The following DLG2 variants were observed in gnomAD, a reference collection of about 807,000 sequenced individuals.
The protein encoded by DLG2 is disks large homolog 2.
In DLG2, 45 loss-of-function variants were observed where a neutral mutation model predicts 132.5. That is an observed-to-expected ratio of 0.34 (90% confidence interval 0.27 to 0.44). DLG2 has a LOEUF of 0.44. DLG2 is among the 20% of genes least tolerant of loss of function. The pLI is 1.00. For synonymous variants in DLG2, 424 were observed against 419.6 expected (o/e 1.01, Z -0.13); for missense variants, 1,045 against 1,196.9 (o/e 0.87, Z 1.87).
At chr11:84,746,215 G>A (rs1466197009) in intron 6 of DLG2, among the ~76,000 whole-genome samples, 5 of 149,712 alleles carry the variant, frequency 3.3e-5, no homozygotes, top group Admixed American at 1.3e-4. Flanking sequence ...ATGGAAATCT[G>A]TGAGGAAAGA....
At chr11:83,832,684 T>C (rs1478146409) in intron 17 of DLG2, among the ~76,000 whole-genome samples, 4 of 152,152 alleles carry the variant, frequency 2.6e-5, no homozygotes, top group East Asian at 1.9e-4. Flanking sequence ...GGATCAATTG[T>C]ATGCTCAACC....
chr11:83,850,612 T>C (rs2059576960), intron 16 of DLG2, among the ~76,000 whole-genome samples: 1 of 152,188 alleles, frequency 6.6e-6, no homozygotes, highest in Non-Finnish European at 1.5e-5. Context: ...CAATGTACCA[T>C]TCTAGCAGGG....
Position 85,393,882 on chromosome 11 carries a change from T to C in DLG2, c.41-108517A>G, listed in dbSNP as rs532346277. ...TGAGGATGCAAAGGCATAAAAGTGATACGATGGACATTGGGGACTCAGGAG... is the reference window on the plus strand; with the variant it reads ...TGAGGATGCAAAGGCATAAAAGTGACACGATGGACATTGGGGACTCAGGAG... On this transcript the variant is annotated intron_variant, in intron 3 of 27. Coordinates refer to ENST00000376104, the MANE Select transcript of DLG2 (RefSeq NM_001142699.3). Among the ~76,000 whole-genome samples, 13 of 152,154 alleles carry C rather than the reference T, an allele frequency of 8.5e-5. No individual in the cohort carries two copies. The East Asian group carries it at 2.5e-3, about 29-fold the overall frequency.
At chr11:84,775,764 G>A (rs1483979241) in intron 6 of DLG2, among the ~76,000 whole-genome samples, 2 of 152,120 alleles carry the variant, frequency 1.3e-5, no homozygotes, top group African/African-American at 4.8e-5. Context: ...ACAGCAAGGG[G>A]CAAGGTTGAA....
At chr11:85,408,341 G>T (rs1161838497) in intron 3 of DLG2, among the ~76,000 whole-genome samples, 2 of 150,700 alleles carry the variant, frequency 1.3e-5, no homozygotes, top group African/African-American at 2.4e-5. Context: ...ACATTTGGGT[G>T]GGCAGAATTG....
Position 85,230,960 on chromosome 11 carries a change from T to C in DLG2, c.186+54260A>G, listed in dbSNP as rs1024461406. ...AAGTAAAGAACAAGCCCTTACCAGA[T>C]ACCAAATCTGCTGGAACTTTGATCT... On this transcript the variant is annotated intron_variant, in intron 4 of 27. Transcript: ENST00000376104. Among the ~76,000 whole-genome samples the C allele has an allele frequency of 4.6e-5, 7 of 151,930 alleles. No homozygotes were observed. In the Admixed American group the frequency reaches 4.6e-4, roughly 10 times the overall value.
chr11:85,513,586 G>T (rs113812708), intron 3 of DLG2, among the ~76,000 whole-genome samples: 1 of 151,800 alleles, frequency 6.6e-6, no homozygotes, highest in Non-Finnish European at 1.5e-5. Context: ...TCTTTCACTA[G>T]TATATCTTCT....
At chr11:85,591,133 T>C (rs1176945828) in intron 3 of DLG2, among the ~76,000 whole-genome samples, 9 of 152,178 alleles carry the variant, frequency 5.9e-5, no homozygotes, top group Non-Finnish European at 1.2e-4. Context: ...CCAAAGTGTC[T>C]AATTTAACTT....
At chr11:85,038,406 C>G (rs923812074) in intron 6 of DLG2, among the ~76,000 whole-genome samples, 7 of 151,952 alleles carry the variant, frequency 4.6e-5, no homozygotes, top group Non-Finnish European at 1.0e-4. Flanking sequence ...AACTAAGTAC[C>G]TGCACCCACA....
intron 6 of DLG2, among the ~76,000 whole-genome samples, chr11:85,103,069 G>A (rs2071134090): frequency 6.6e-6 from 1 of 151,848 alleles, no homozygotes; most frequent in African/African-American, 2.4e-5. Flanking sequence ...CAAAAGAAGG[G>A]CAAAACTTGT....
At chr11:83,524,829 T>G (rs2140710458) in intron 21 of DLG2, among the ~76,000 whole-genome samples, 1 of 152,330 alleles carries the variant, frequency 6.6e-6, no homozygotes, top group South Asian at 2.1e-4. Flanking sequence ...CTGATTAGAT[T>G]TTACTGATTC....
chr11:83,861,202 T>C (rs944819026), intron 16 of DLG2, among the ~76,000 whole-genome samples: 1 of 152,176 alleles, frequency 6.6e-6, no homozygotes, highest in East Asian at 1.9e-4. Flanking sequence ...CCAGTCAAAA[T>C]GGCTATATCC....
chr11:84,430,393 C>T (rs1307959439), intron 7 of DLG2, among the ~76,000 whole-genome samples: 4 of 147,876 alleles, frequency 2.7e-5, no homozygotes, highest in Non-Finnish European at 5.9e-5. Context: ...GAGCCGAGAT[C>T]GTGCCACTTC....
chr11:84,318,640 A>C (rs775762041), intron 7 of DLG2, among the ~76,000 whole-genome samples: 3 of 152,174 alleles, frequency 2.0e-5, no homozygotes, highest in Non-Finnish European at 4.4e-5. Flanking sequence ...AAAATCTTGA[A>C]AGTAAGGAGT....
At chr11:84,653,751 C>G (rs2099684848) in intron 6 of DLG2, among the ~76,000 whole-genome samples, 1 of 152,162 alleles carries the variant, frequency 6.6e-6, no homozygotes, top group South Asian at 2.1e-4. Flanking sequence ...CCACCTGGGT[C>G]TCAGGAAAAT....
intron 6 of DLG2, among the ~76,000 whole-genome samples, chr11:84,609,849 G>A (rs1178267581): frequency 6.6e-6 from 1 of 152,016 alleles, no homozygotes; most frequent in Admixed American, 6.6e-5. Flanking sequence ...CAGTATTTAA[G>A]AATATTTTAA....
intron 6 of DLG2, among the ~76,000 whole-genome samples, chr11:84,906,415 G>T (rs56925179): frequency 3.5e-5 from 5 of 144,470 alleles, no homozygotes; most frequent in African/African-American, 1.3e-4. Flanking sequence ...CACACACACA[G>T]AGAGCCAAGG....
At chr11:85,488,299 G>C (rs2093476638) in intron 3 of DLG2, among the ~76,000 whole-genome samples, 1 of 151,630 alleles carries the variant, frequency 6.6e-6, no homozygotes, top group African/African-American at 2.4e-5. Flanking sequence ...TAAGGAAGGA[G>C]AATCGCTTGA....
chr11:85,087,860 A>AAAAG (rs1253753220), intron 6 of DLG2, among the ~76,000 whole-genome samples: 3 of 147,676 alleles, frequency 2.0e-5, no homozygotes, highest in Admixed American at 6.8e-5. Flanking sequence ...AAAAAAAAAA[A>AAAAG]AAAAAAAAAC....
Sources: gnomAD v4.1 joint callset for allele counts (sites outside exome capture counted in the v4.1 genomes callset) on GRCh38, gnomAD v4.1.1 for gene constraint, MANE v1.5 for transcripts, NCBI Gene and HGNC (gene_info 2026-07-23, HGNC 2026-07-21) for gene names.